Variants in RAP1A observed in about 807,000 individuals in gnomAD.
The protein encoded by RAP1A is RAP1A, member of RAS oncogene family.
In RAP1A, 6 loss-of-function variants were observed where a neutral mutation model predicts 26.4. The ratio of observed to expected loss-of-function variants is 0.23; its 90% CI spans 0.12 to 0.45. The LOEUF is 0.45. Among genes scored for constraint, RAP1A ranks in the 20% least tolerant of loss-of-function variants. RAP1A has a pLI of 0.99. For missense variants in RAP1A, 121 were observed against 217.2 expected (o/e 0.56, Z 2.78); for synonymous variants, 73 against 79.4 (o/e 0.92, Z 0.43).
intron 1 of RAP1A, among the ~76,000 whole-genome samples, chr1:111,610,249 C>T (rs1416283544): frequency 6.6e-6 from 1 of 152,074 alleles, no homozygotes; most frequent in Non-Finnish European, 1.5e-5. Flanking sequence ...TCTTATTTTT[C>T]CCCTAATACA....
intron 1 of RAP1A, among the ~76,000 whole-genome samples, chr1:111,661,063 A>G (rs941042385): frequency 5.9e-5 from 9 of 152,210 alleles, no homozygotes; most frequent in African/African-American, 1.2e-4. Context: ...TGCATGATGC[A>G]TTGGAGAAGA....
rs142217328 is a variant in RAP1A at position 111,679,149 on chromosome 1, G to A, written c.-27-12185G>A. 2.0e-4 allele frequency among the ~76,000 whole-genome samples: 31 copies of A among 152,308 alleles called. No individual in the cohort carries two copies. In the East Asian group the frequency reaches 5.6e-3, roughly 28 times the overall value. ...GTCTGCAGCTCCCAGAGAGACCAACGCAGAAGGCAGGTGATTTCTGCATTT... is the reference window on the plus strand; with the variant it reads ...GTCTGCAGCTCCCAGAGAGACCAACACAGAAGGCAGGTGATTTCTGCATTT... On this transcript the variant is annotated intron_variant, in intron 1 of 7. Coordinates refer to ENST00000369709, the MANE Select transcript of RAP1A (RefSeq NM_002884.4).
chr1:111,699,654 G>A (rs10857902), intron 4 of RAP1A, among the ~76,000 whole-genome samples: 1 of 149,610 alleles, frequency 6.7e-6, no homozygotes, highest in Non-Finnish European at 1.5e-5. Flanking sequence ...ATTTTTTGTA[G>A]AGACAGGGTC....
upstream of RAP1A, among the ~76,000 whole-genome samples, chr1:111,615,027 T>G (rs12061229): frequency 0.15 from 22,841 of 151,868 alleles, 1,831 homozygotes; most frequent in African/African-American, 0.2. Flanking sequence ...GATTTTAGGT[T>G]TGATAGAGGG....
At chr1:111,647,925 A>G (rs1660124084) in intron 1 of RAP1A, among the ~76,000 whole-genome samples, 1 of 152,042 alleles carries the variant, frequency 6.6e-6, no homozygotes, top group Non-Finnish European at 1.5e-5. Flanking sequence ...TGAACCCTGA[A>G]CTTCAAGGCG....
intron 1 of RAP1A, among the ~76,000 whole-genome samples, chr1:111,623,982 T>G (rs764705653): frequency 6.6e-6 from 1 of 152,236 alleles, no homozygotes; most frequent in Non-Finnish European, 1.5e-5. Context: ...AATCTCGTGA[T>G]TCTAAAATTC....
intron 4 of RAP1A, among the ~76,000 whole-genome samples, chr1:111,700,829 T>C (rs1235735640): frequency 6.6e-6 from 1 of 152,172 alleles, no homozygotes; most frequent in Non-Finnish European, 1.5e-5. Flanking sequence ...TTTTTTGTTA[T>C]ATTATGTGTA....
At chr1:111,552,977 T>C (rs564325274) in intron 1 of RAP1A, among the ~76,000 whole-genome samples, 28 of 152,246 alleles carry the variant, frequency 1.8e-4, no homozygotes, top group Non-Finnish European at 3.1e-4. Flanking sequence ...TCTAGGACTA[T>C]TACAATGAGC....
intron 6 of RAP1A, among the ~76,000 whole-genome samples, chr1:111,706,233 T>A (rs1662187607): frequency 1.3e-5 from 2 of 152,156 alleles, no homozygotes; most frequent in African/African-American, 4.8e-5. Context: ...AGCAGATAAT[T>A]TGAGTTTCTT....
At chr1:111,677,709 C>G (rs137978689) in intron 1 of RAP1A, among the ~76,000 whole-genome samples, 6 of 152,236 alleles carry the variant, frequency 3.9e-5, no homozygotes, top group African/African-American at 1.4e-4. Context: ...AGCAAATGAT[C>G]CAAGAGACCA....
intron 1 of RAP1A, among the ~76,000 whole-genome samples, chr1:111,678,869 A>G (rs1661207771): frequency 6.6e-6 from 1 of 152,084 alleles, no homozygotes; most frequent in Admixed American, 6.6e-5. Flanking sequence ...CAGGATTGTC[A>G]TCTGTGGATA....
upstream of RAP1A, among the ~76,000 whole-genome samples, chr1:111,615,843 A>G (rs1049310383): frequency 1.3e-5 from 2 of 152,024 alleles, no homozygotes; most frequent in African/African-American, 4.8e-5. Context: ...AAAAAAAAAA[A>G]AAAAAAAATT....
chr1:111,542,084 GCT>G (rs1491551238), upstream of RAP1A: 2 of 102,360 alleles, frequency 2.0e-5, no homozygotes, highest in African/African-American at 1.5e-4. Context: ...GTGCAAAGAA[GCT>G]TTTTTTTTTT....
intron 1 of RAP1A, among the ~76,000 whole-genome samples, chr1:111,568,063 T>C (rs923365227): frequency 6.6e-6 from 1 of 152,150 alleles, no homozygotes; most frequent in African/African-American, 2.4e-5. Flanking sequence ...CCAGGGGAAA[T>C]GCAAGAATGA....
chr1:111,608,657 G>A (rs1658860674), intron 1 of RAP1A: 2 of 167,562 alleles, frequency 1.2e-5, no homozygotes, highest in Non-Finnish European at 2.5e-5. Context: ...CCCGCACCCC[G>A]GGAGGCCGAG....
intron 1 of RAP1A, among the ~76,000 whole-genome samples, chr1:111,567,737 C>T (rs1392611171): frequency 1.3e-5 from 2 of 152,186 alleles, no homozygotes; most frequent in Non-Finnish European, 2.9e-5. Context: ...CAACCCCCAA[C>T]CTCTGCAGGG....
chr1:111,615,666 A>G (rs568718043), upstream of RAP1A, among the ~76,000 whole-genome samples: 1 of 152,090 alleles, frequency 6.6e-6, no homozygotes, highest in East Asian at 1.9e-4. Context: ...CCCCGCCTCT[A>G]CTAAAAATAA....
intron 1 of RAP1A, among the ~76,000 whole-genome samples, chr1:111,558,953 G>A (rs1037414060): frequency 2.6e-5 from 4 of 152,022 alleles, no homozygotes; most frequent in African/African-American, 9.7e-5. Context: ...TAAAAATCAA[G>A]CATATATGAG....
chr1:111,555,169 T>C (rs770217179), intron 1 of RAP1A, among the ~76,000 whole-genome samples: 1 of 151,630 alleles, frequency 6.6e-6, no homozygotes, highest in Non-Finnish European at 1.5e-5. Context: ...AGTTCGAGAC[T>C]AGCCTGGCCA....
Sources: allele counts gnomAD v4.1 joint callset (sites outside exome capture counted in the v4.1 genomes callset), GRCh38; gene constraint gnomAD v4.1.1; transcripts MANE v1.5; gene names NCBI Gene and HGNC (gene_info 2026-07-23, HGNC 2026-07-21).